NHEJ1: variants seen among roughly 807,000 people sequenced by gnomAD.
The protein encoded by NHEJ1 is non-homologous end-joining factor 1.
In NHEJ1, 22 loss-of-function variants were observed where a neutral mutation model predicts 39.4. That is an observed-to-expected ratio of 0.56 (90% CI 0.40 to 0.80). The LOEUF is 0.80. Among genes scored for constraint, NHEJ1 ranks in the 30% least tolerant of loss-of-function variants. The pLI is 0.00. For missense variants in NHEJ1, 329 were observed against 357.1 expected, an observed-to-expected ratio of 0.92 and a Z score of 0.63; for synonymous variants, 154 against 135.6, an observed-to-expected ratio of 1.14 and a Z score of -0.94.
intron 5 of NHEJ1, among the ~76,000 whole-genome samples, chr2:219,092,005 A>T (rs923615927): frequency 2.0e-5 from 3 of 152,252 alleles, no homozygotes; most frequent in Non-Finnish European, 4.4e-5. Flanking sequence ...CTAGGTACAA[A>T]GAAATAAATG....
Position 219,072,579 on chromosome 2 carries a change from T to C in NHEJ1, c.*3802A>G, listed in dbSNP as rs73991014. Among the ~76,000 whole-genome samples, 2,446 of 152,274 alleles carry C rather than the reference T, an allele frequency of 0.016. 70 individuals carry two copies. Among genetic ancestry groups the C allele is most frequent in the African/African-American group, 0.056 (2,308 of 41,506 alleles). On this transcript the variant is annotated 3_prime_UTR_variant, in exon 8 of 8. Coordinates refer to ENST00000356853, the MANE Select transcript of NHEJ1 (RefSeq NM_024782.3). ...AATTATATTTGTTAATGGTATAATATCCCTGAAGTGATATTTTCTGAGTTA... is the reference window on the plus strand; with the variant it reads ...AATTATATTTGTTAATGGTATAATACCCCTGAAGTGATATTTTCTGAGTTA...
At chr2:219,141,425 T>C (rs1949690728) in intron 5 of NHEJ1, among the ~76,000 whole-genome samples, 1 of 144,436 alleles carries the variant, frequency 6.9e-6, no homozygotes, top group Non-Finnish European at 1.5e-5. Context: ...GAGAGAAAAA[T>C]GGCTAATTTC....
chr2:219,137,581 AAAAAAAAAAAAC>A (rs1170342638), intron 5 of NHEJ1, among the ~76,000 whole-genome samples: 82 of 141,338 alleles, frequency 5.8e-4, no homozygotes, highest in African/African-American at 1.8e-3. Context: ...AAAAAAAAAA[AAAAAAAAAAAAC>A]AAAAAAAACT....
chr2:219,159,513 TTA>T (rs34180222), intron 1 of NHEJ1, among the ~76,000 whole-genome samples: 11 of 90,088 alleles, frequency 1.2e-4, no homozygotes, highest in Admixed American at 3.9e-4. Context: ...TGACATAACT[TTA>T]TATATATATG....
rs183436413 is a variant in NHEJ1, at chr2:219,074,483, C to T, written c.*1898G>A. On this transcript the variant is annotated 3_prime_UTR_variant, in exon 8 of 8. Transcript: ENST00000356853. ...GATCGGCCAGGCACAGTGGCTCAAA[C>T]GTGTAATCCCAGCACTTTGGGAGGC... Among the ~76,000 whole-genome samples, 496 of 152,234 alleles carry T rather than the reference C, an allele frequency of 3.3e-3. 6 individuals are homozygous for T. The highest frequency in any genetic ancestry group is 0.011 in the African/African-American group (450 of 41,542).
chr2:219,131,527 G>C (rs1013846226), intron 5 of NHEJ1, among the ~76,000 whole-genome samples: 1 of 152,210 alleles, frequency 6.6e-6, no homozygotes, highest in African/African-American at 2.4e-5. Context: ...AATAGCTTCA[G>C]GGGGTAGTTT....
At chr2:219,141,971 G>A (rs1468614406) in intron 5 of NHEJ1, among the ~76,000 whole-genome samples, 6 of 152,146 alleles carry the variant, frequency 3.9e-5, no homozygotes, top group East Asian at 3.9e-4. Context: ...CTCTAGCTTC[G>A]TAAGAGCAGC....
intron 5 of NHEJ1, among the ~76,000 whole-genome samples, chr2:219,115,153 A>AAGAAG (rs1949400207): frequency 6.7e-6 from 1 of 148,250 alleles, no homozygotes; most frequent in Non-Finnish European, 1.5e-5. Context: ...CGTATTTTAA[A>AAGAAG]AAGAAGAAGA....
intron 3 of NHEJ1, among the ~76,000 whole-genome samples, chr2:219,152,623 TA>T (rs1202202357): frequency 2.0e-5 from 3 of 151,836 alleles, no homozygotes; most frequent in African/African-American, 7.3e-5. Flanking sequence ...CACACCCACC[TA>T]TTTTTTTTAT....
At position 219,076,164 on chromosome 2, in the gene NHEJ1, G is replaced by A. The variant is rs1424266156; in HGVS notation, c.*217C>T. ...AACCTACAGAACCTCCACCAAAAGA[G>A]AGGAGAGCACGGGATTCTCAGAGAC... On this transcript the variant is annotated 3_prime_UTR_variant, in exon 8 of 8. Coordinates refer to ENST00000356853, the MANE Select transcript of NHEJ1 (RefSeq NM_024782.3). The A allele has an allele frequency of 1.9e-6, 2 of 1,034,924 alleles. No individual in the cohort carries two copies. Among genetic ancestry groups the A allele is most frequent in the Non-Finnish European group, 1.4e-6 (1 of 730,082 alleles). 64.1% of individuals were successfully genotyped at this position (1,034,924 alleles called of 1,614,324 possible). A position where few individuals can be genotyped will look rare whatever the true frequency, so the allele number is the denominator to read the frequency against.
intron 3 of NHEJ1, among the ~76,000 whole-genome samples, chr2:219,153,624 G>T (rs1949818714): frequency 7.1e-6 from 1 of 141,036 alleles, no homozygotes; most frequent in African/African-American, 2.6e-5. Context: ...AGGATCACTT[G>T]AGCTGAGGAA....
intron 5 of NHEJ1, among the ~76,000 whole-genome samples, chr2:219,095,700 G>A (rs1286338818): frequency 6.6e-6 from 1 of 152,084 alleles, no homozygotes. Context: ...GGAGGGGTAT[G>A]GGTACTATTA....
At chr2:219,125,825 G>A (rs1229586458) in intron 5 of NHEJ1, among the ~76,000 whole-genome samples, 1 of 152,254 alleles carries the variant, frequency 6.6e-6, no homozygotes, top group African/African-American at 2.4e-5. Flanking sequence ...AAAGGGCTGA[G>A]AGGCAGTCCT....
chr2:219,145,182 TCCA>T (rs1949724056), intron 5 of NHEJ1, among the ~76,000 whole-genome samples: 3 of 152,132 alleles, frequency 2.0e-5, no homozygotes. Flanking sequence ...GCCATGGCAC[TCCA>T]GTCTGGGTGA....
At chr2:219,088,869 G>T (rs913137228) in intron 5 of NHEJ1, among the ~76,000 whole-genome samples, 2 of 152,166 alleles carry the variant, frequency 1.3e-5, no homozygotes, top group Non-Finnish European at 2.9e-5. Context: ...CTGGAGTGCG[G>T]TGGCGTGATC....
At chr2:219,115,965 T>C (rs1949411761) in intron 5 of NHEJ1, among the ~76,000 whole-genome samples, 1 of 151,846 alleles carries the variant, frequency 6.6e-6, no homozygotes, top group Non-Finnish European at 1.5e-5. Flanking sequence ...ACTAAAAATA[T>C]AAAAATTCGC....
chr2:219,159,476 G>A (rs1402214580), intron 1 of NHEJ1: 2 of 145,272 alleles, frequency 1.4e-5, no homozygotes, highest in African/African-American at 2.6e-5. Context: ...ATTTCCCCTA[G>A]CTTTTGAAGT....
chr2:219,093,858 C>T (rs1012674739), intron 5 of NHEJ1, among the ~76,000 whole-genome samples: 3 of 152,164 alleles, frequency 2.0e-5, no homozygotes, highest in Admixed American at 2.0e-4. Context: ...CTTAACACAA[C>T]ATCAGCAGTG....
chr2:219,135,803 T>G (rs1274749952), intron 5 of NHEJ1, among the ~76,000 whole-genome samples: 9 of 152,170 alleles, frequency 5.9e-5, no homozygotes, highest in Non-Finnish European at 1.3e-4. Flanking sequence ...CATAGTGAGA[T>G]CCTGTCTCTT....
Sources: gnomAD v4.1 joint callset for allele counts (sites outside exome capture counted in the v4.1 genomes callset) on GRCh38, gnomAD v4.1.1 for gene constraint, MANE v1.5 for transcripts, NCBI Gene and HGNC (gene_info 2026-07-23, HGNC 2026-07-21) for gene names.